GABRG3: variants seen among roughly 807,000 people sequenced by gnomAD.
GABRG3 encodes gamma-aminobutyric acid receptor subunit gamma-3.
In GABRG3, 25 loss-of-function variants were observed where a neutral mutation model predicts 48.8. That is an observed-to-expected ratio of 0.51 (90% CI 0.37 to 0.72). The LOEUF is 0.72. Among genes scored for constraint, GABRG3 ranks in the 30% least tolerant of loss-of-function variants. The probability of loss-of-function intolerance (pLI) is 0.00; values close to 1 mark genes in which losing one functional copy is unlikely to be tolerated. For synonymous variants in GABRG3, 227 were observed against 217.6 expected (o/e 1.04, Z -0.38); for missense variants, 394 against 577.9 (o/e 0.68, Z 3.26).
At chr15:27,336,236 AG>A (rs1161524946) in intron 5 of GABRG3, among the ~76,000 whole-genome samples, 5 of 142,198 alleles carry the variant, frequency 3.5e-5, no homozygotes, top group African/African-American at 1.1e-4. Flanking sequence ...GAGAGAGAGG[AG>A]AAGAAAAGAA....
At chr15:27,297,373 T>G (rs1892031316) in intron 3 of GABRG3, among the ~76,000 whole-genome samples, 1 of 152,214 alleles carries the variant, frequency 6.6e-6, no homozygotes, top group African/African-American at 2.4e-5. Flanking sequence ...CACTCAGCAT[T>G]CATTCACTGA....
At chr15:27,388,172 A>G (rs1438151520) in intron 5 of GABRG3, among the ~76,000 whole-genome samples, 2 of 84,820 alleles carry the variant, frequency 2.4e-5, no homozygotes, top group Non-Finnish European at 2.2e-5. Context: ...GGAAGGAAGG[A>G]AGGAAAGGAG....
At chr15:27,328,910 G>A in intron 5 of GABRG3, 22 bp downstream of exon 5, 1 of 1,599,996 alleles carries the variant, frequency 6.3e-7, no homozygotes, top group Non-Finnish European at 8.6e-7. Flanking sequence ...TCCAAGCCCG[G>A]GGTGTGCATG....
In GABRG3 at chr15:27,511,884, T is replaced by A. The variant is rs116422580; in HGVS notation, c.713-8088T>A. Among the ~76,000 whole-genome samples the A allele has an allele frequency of 9.5e-3, 1,451 of 152,188 alleles. 20 individuals are homozygous for A. Among genetic ancestry groups the A allele is most frequent in the African/African-American group, 0.033 (1,377 of 41,516 alleles). On this transcript the variant is annotated intron_variant, in intron 6 of 9. Coordinates refer to ENST00000615808, the MANE Select transcript of GABRG3 (RefSeq NM_033223.5). ...ATAGGGTCACATTTGGACAACTGAG[T>A]CAGTGAGGAAGTAAGCAACGCTGGA...
chr15:27,248,803 CAG>C (rs1170812736), intron 3 of GABRG3, among the ~76,000 whole-genome samples: 4,180 of 109,978 alleles, frequency 0.038, 94 homozygotes, highest in Non-Finnish European at 0.049. Context: ...CACACACACA[CAG>C]AGAGAGAGAG....
At chr15:27,220,757 C>T (rs541300257) in intron 3 of GABRG3, among the ~76,000 whole-genome samples, 3 of 152,092 alleles carry the variant, frequency 2.0e-5, no homozygotes, top group South Asian at 2.1e-4. Flanking sequence ...TCTGGGGTCA[C>T]TGGGTGCCTG....
At chr15:27,087,177 G>A (rs1240469980) in intron 3 of GABRG3, among the ~76,000 whole-genome samples, 1 of 152,184 alleles carries the variant, frequency 6.6e-6, no homozygotes, top group East Asian at 1.9e-4. Context: ...TGAGCTGATC[G>A]AAACCACACT....
At chr15:27,483,272 A>G (rs1890141938) in intron 6 of GABRG3, 1 of 152,168 alleles carries the variant, frequency 6.6e-6, no homozygotes, top group South Asian at 2.1e-4. Context: ...GCTTGCAGGT[A>G]GTATTCTTTC....
intron 3 of GABRG3, among the ~76,000 whole-genome samples, chr15:27,307,864 T>TATATAAAATAAACATGTTTATATATAA (rs1892715819): frequency 7.5e-6 from 1 of 134,220 alleles, no homozygotes; most frequent in Admixed American, 7.8e-5. Context: ...TATATAAATA[T>TATATAAAATAAACATGTTTATATATAA]ATATAAATGT....
intron 3 of GABRG3, among the ~76,000 whole-genome samples, chr15:27,174,579 CTCTCG>C (rs1423847316): frequency 9.3e-5 from 13 of 139,322 alleles, no homozygotes; most frequent in Non-Finnish European, 2.0e-4. Context: ...CTGCCTCTCT[CTCTCG>C]TCTCTCTCTC....
chr15:27,364,560 C>G (rs755111347), intron 5 of GABRG3: 1 of 152,342 alleles, frequency 6.6e-6, no homozygotes. Context: ...AAATTACACA[C>G]ATCCTCCCTG....
rs181267400 is a variant in GABRG3 at position 27,236,879 on chromosome 15, G to A, written c.271-89930G>A. Among the ~76,000 whole-genome samples, 125 of 152,204 alleles carry A rather than the reference G, an allele frequency of 8.2e-4. No homozygotes were observed. The highest frequency in any genetic ancestry group is 2.0e-3 in the African/African-American group (82 of 41,524). Reference sequence around the variant, plus strand: ...TCCTCCAATAGCTTATTGAATATACGTATCCATCCCCCCACTCAGCAGACA... The same window carrying A: ...TCCTCCAATAGCTTATTGAATATACATATCCATCCCCCCACTCAGCAGACA... On this transcript the variant is annotated intron_variant, in intron 3 of 9. Coordinates refer to ENST00000615808, the MANE Select transcript of GABRG3 (RefSeq NM_033223.5). The surrounding 1 kb of genome is among the most constrained non-coding windows in gnomAD (Gnocchi z 4.4).
chr15:27,514,476 G>C (rs150902855), intron 6 of GABRG3, among the ~76,000 whole-genome samples: 1 of 152,176 alleles, frequency 6.6e-6, no homozygotes, highest in Non-Finnish European at 1.5e-5. Context: ...TTCATGAAAG[G>C]CTCAGTCTTT....
At chr15:27,211,492 A>G (rs1311474939) in intron 3 of GABRG3, among the ~76,000 whole-genome samples, 2 of 152,246 alleles carry the variant, frequency 1.3e-5, no homozygotes, top group Middle Eastern at 3.2e-3. Context: ...TTAAAAATGT[A>G]TCCTTTTATA....
intron 3 of GABRG3, among the ~76,000 whole-genome samples, chr15:27,056,359 AAAAAAAAAAAAAAAGAAAAG>A (rs576191270): frequency 1.3e-3 from 190 of 149,988 alleles, no homozygotes; most frequent in Non-Finnish European, 2.0e-3. Context: ...TCTCCAAAAA[AAAAAAAAAAAAAAAGAAAAG>A]AAAAAAGAAA....
At chr15:27,367,976 A>G (rs189082247) in intron 5 of GABRG3, among the ~76,000 whole-genome samples, 80 of 152,180 alleles carry the variant, frequency 5.3e-4, no homozygotes, top group Non-Finnish European at 9.7e-4. Flanking sequence ...TCTCCTTTCT[A>G]AGCATGCTGT....
At chr15:27,101,332 A>T (rs1432105363) in intron 3 of GABRG3, among the ~76,000 whole-genome samples, 1 of 152,200 alleles carries the variant, frequency 6.6e-6, no homozygotes, top group Non-Finnish European at 1.5e-5. Flanking sequence ...AAATGGAGAG[A>T]TGTATTTTTT....
At chr15:27,464,659 C>T (rs969831855) in intron 5 of GABRG3, among the ~76,000 whole-genome samples, 8 of 152,196 alleles carry the variant, frequency 5.3e-5, no homozygotes, top group South Asian at 2.1e-4. Flanking sequence ...GCCATCCTAG[C>T]GGGTATGAAG....
intron 5 of GABRG3, among the ~76,000 whole-genome samples, chr15:27,479,239 T>C (rs574737295): frequency 6.6e-6 from 1 of 152,346 alleles, no homozygotes; most frequent in East Asian, 1.9e-4. Flanking sequence ...AATTGTAGCA[T>C]AGAGCACCTT....
Sources: allele counts gnomAD v4.1 joint callset (sites outside exome capture counted in the v4.1 genomes callset), GRCh38; gene constraint gnomAD v4.1.1; non-coding constraint Gnocchi (gnomAD v3.1); transcripts MANE v1.5; gene names NCBI Gene and HGNC (gene_info 2026-07-23, HGNC 2026-07-21).